Variants in RPTOR observed in about 807,000 individuals in gnomAD.
RPTOR encodes regulatory-associated protein of mTOR.
Under a neutral mutation model 169.9 loss-of-function variants are expected in RPTOR, and 21 were observed. That is an observed-to-expected ratio of 0.12 (90% CI 0.09 to 0.18). RPTOR has a LOEUF of 0.18. RPTOR is among the 10% of genes least tolerant of loss of function. The probability of loss-of-function intolerance (pLI) is 1.00; values close to 1 mark genes in which losing one functional copy is unlikely to be tolerated. For missense variants in RPTOR, 1,133 were observed against 1,855.9 expected (o/e 0.61, Z 7.16); for synonymous variants, 732 against 753.2 (o/e 0.97, Z 0.46).
intron 13 of RPTOR, among the ~76,000 whole-genome samples, chr17:80,875,012 C>T (rs118004507): frequency 0.023 from 3,547 of 152,316 alleles, 65 homozygotes; most frequent in Non-Finnish European, 0.036. Context: ...GTAGGGTGTT[C>T]GCGTGAAATG....
chr17:80,726,881 G>A lies in RPTOR; in HGVS notation c.508-3679G>A, dbSNP rs1181129738. Among the ~76,000 whole-genome samples, 2 of 152,148 alleles carry A rather than the reference G, an allele frequency of 1.3e-5. No individual in the cohort carries two copies. The highest frequency in any genetic ancestry group is 2.9e-5 in the Non-Finnish European group (2 of 68,036). The stretch of plus-strand genomic sequence containing the variant: ...GGGTGATCCTGCCCAATTAAAGGAC[G>A]TCTTTTGGCCCTTCTTTCCCTTGGC... On this transcript the variant is annotated intron_variant, in intron 4 of 33. Coordinates refer to ENST00000306801, the MANE Select transcript of RPTOR (RefSeq NM_020761.3). The surrounding 1 kb of genome is among the most constrained non-coding windows in gnomAD (Gnocchi z 4.5).
chr17:80,753,874 T>G (rs2066654526), intron 5 of RPTOR, 136 bp from the exon 6 acceptor site: 1 of 821,064 alleles, frequency 1.2e-6, no homozygotes. Context: ...GACGCCTCTC[T>G]CCAGAGGACT....
intron 1 of RPTOR, among the ~76,000 whole-genome samples, chr17:80,587,095 G>T (rs2065067258): frequency 6.6e-6 from 1 of 152,260 alleles, no homozygotes; most frequent in Admixed American, 6.5e-5. Context: ...ACAACACGGG[G>T]CTTGTCGGGT....
chr17:80,776,320 C>CTTT (rs1219534835), intron 6 of RPTOR, among the ~76,000 whole-genome samples: 1 of 105,092 alleles, frequency 9.5e-6, no homozygotes, highest in East Asian at 2.8e-4. Flanking sequence ...TGCCAAACTT[C>CTTT]CTTTTTTTTT....
At chr17:80,738,410 G>A (rs925005066) in intron 5 of RPTOR, among the ~76,000 whole-genome samples, 3 of 152,276 alleles carry the variant, frequency 2.0e-5, no homozygotes, top group South Asian at 4.1e-4. Flanking sequence ...TTTTTTGTTG[G>A]CACCTTTCGT....
At chr17:80,882,415 C>G (rs1438529270) in intron 14 of RPTOR, among the ~76,000 whole-genome samples, 1 of 152,228 alleles carries the variant, frequency 6.6e-6, no homozygotes, top group Non-Finnish European at 1.5e-5. Flanking sequence ...GTCCCCAGAA[C>G]AAACGTTATT....
At chr17:80,923,790 C>A in intron 23 of RPTOR, 117 bp downstream of exon 23, 1 of 1,136,008 alleles carries the variant, frequency 8.8e-7, no homozygotes, top group Non-Finnish European at 1.2e-6. Context: ...AGGACCCACC[C>A]TGCCGTCCTG....
chr17:80,622,692 A>G (rs978948293), intron 1 of RPTOR, among the ~76,000 whole-genome samples: 1 of 152,170 alleles, frequency 6.6e-6, no homozygotes, highest in African/African-American at 2.4e-5. Context: ...GCTTGAACTC[A>G]GGAGTTGGAG....
intron 13 of RPTOR, among the ~76,000 whole-genome samples, chr17:80,862,603 C>T (rs1438989545): frequency 6.8e-6 from 1 of 146,942 alleles, no homozygotes; most frequent in Non-Finnish European, 1.5e-5. Flanking sequence ...TCTGGAGCTC[C>T]GCCCACCATG....
chr17:80,777,755 C>T (rs1454915906), intron 6 of RPTOR, among the ~76,000 whole-genome samples: 1 of 152,162 alleles, frequency 6.6e-6, no homozygotes, highest in Non-Finnish European at 1.5e-5. Flanking sequence ...GCCTTTGGTC[C>T]GTTTTGAGTT....
intron 7 of RPTOR, among the ~76,000 whole-genome samples, chr17:80,794,848 G>C (rs1443902444): frequency 1.3e-5 from 2 of 152,200 alleles, no homozygotes; most frequent in Non-Finnish European, 1.5e-5. Context: ...GTGACCTTCT[G>C]GGAAAGACAG....
intron 1 of RPTOR, among the ~76,000 whole-genome samples, chr17:80,624,921 C>T (rs970709380): frequency 2.6e-5 from 4 of 152,128 alleles, no homozygotes; most frequent in East Asian, 1.9e-4. Flanking sequence ...CAGGTGTGAT[C>T]GCAGCGTTCC....
At chr17:80,950,945 C>T (rs1242351325) in intron 28 of RPTOR, among the ~76,000 whole-genome samples, 2 of 152,214 alleles carry the variant, frequency 1.3e-5, no homozygotes, top group Non-Finnish European at 2.9e-5. Context: ...TCTGCCTTGC[C>T]CTTTCTCTTG....
intron 17 of RPTOR, 42 bp from the exon 18 acceptor site, chr17:80,891,678 C>A: frequency 7.5e-7 from 1 of 1,333,790 alleles, no homozygotes; most frequent in Admixed American, 1.8e-5. Flanking sequence ...CAATCATTTT[C>A]CAGCCCCAGT....
At chr17:80,778,256 A>T (rs1281243254) in intron 6 of RPTOR, among the ~76,000 whole-genome samples, 1 of 152,178 alleles carries the variant, frequency 6.6e-6, no homozygotes, top group East Asian at 1.9e-4. Flanking sequence ...ATAAAAATTG[A>T]TGTCAGATAG....
Position 80,960,888 on chromosome 17 carries a change from G to T in RPTOR, c.3606-506G>T, listed in dbSNP as rs9896382. On this transcript the variant is annotated intron_variant, in intron 30 of 33. Transcript: ENST00000306801. The surrounding 1 kb of genome is among the most constrained non-coding windows in gnomAD (Gnocchi z 4.8). ...GCCTAGCAGGGGACAGTCCGTCTTG[G>T]CCCACACGGCTCATGCAGCAGAAGT... 0.06 allele frequency: 10,092 copies of T among 166,888 alleles called. 1,084 individuals carry two copies. The highest frequency in any genetic ancestry group is 0.22 in the African/African-American group (9,143 of 41,914). The allele number at this position is 166,888 out of a possible 1,614,324, so 10.3% of individuals were successfully genotyped here. A position where few individuals can be genotyped will look rare whatever the true frequency, so the allele number is the denominator to read the frequency against.
chr17:80,715,187 C>T (rs76782593), intron 4 of RPTOR, among the ~76,000 whole-genome samples: 10,303 of 151,994 alleles, frequency 0.068, 1,173 homozygotes, highest in African/African-American at 0.24. Flanking sequence ...TAAAAGTTGA[C>T]GAATCTCTAC....
Position 80,949,437 on chromosome 17 carries a change from C to G in RPTOR, c.3266-6C>G, listed in dbSNP as rs748597684. 1 of 1,611,646 alleles carries G rather than the reference C, an allele frequency of 6.2e-7. No homozygotes were observed. The highest frequency in any genetic ancestry group is 8.5e-7 in the Non-Finnish European group (1 of 1,177,734). On this transcript the variant is annotated splice_region_variant and splice_polypyrimidine_tract_variant and intron_variant, in intron 27 of 33. Coordinates refer to ENST00000306801, the MANE Select transcript of RPTOR (RefSeq NM_020761.3). Reference sequence around the variant, plus strand: ...GGTTCACATCCTTTCCTCTCTCCCTCCCCAGACGATGGTGCCATCAGGGTC... The same window carrying G: ...GGTTCACATCCTTTCCTCTCTCCCTGCCCAGACGATGGTGCCATCAGGGTC...
chr17:80,648,944 G>T (rs1038657279), intron 3 of RPTOR, among the ~76,000 whole-genome samples: 3 of 152,186 alleles, frequency 2.0e-5, no homozygotes, highest in African/African-American at 7.2e-5. Context: ...GATGTGACTT[G>T]CGCCTCCTTA....
Sources: gnomAD v4.1 joint callset for allele counts (sites outside exome capture counted in the v4.1 genomes callset) on GRCh38, gnomAD v4.1.1 for gene constraint, Gnocchi (gnomAD v3.1) non-coding constraint, MANE v1.5 for transcripts, NCBI Gene and HGNC (gene_info 2026-07-23, HGNC 2026-07-21) for gene names.